Variants in PDE4D observed in about 807,000 individuals in gnomAD.
PDE4D encodes the protein 3',5'-cyclic-AMP phosphodiesterase 4D.
Under a neutral mutation model 87.4 loss-of-function variants are expected in PDE4D, and 24 were observed. The ratio of observed to expected loss-of-function variants is 0.27; its 90% CI spans 0.20 to 0.39. The LOEUF (loss-of-function observed/expected upper bound fraction) is 0.39. Among genes scored for constraint, PDE4D ranks in the 10% least tolerant of loss-of-function variants. PDE4D has a pLI of 1.00. For synonymous variants in PDE4D, 384 were observed against 383.2 expected (o/e 1.00, Z -0.02); for missense variants, 714 against 1,041.0 (o/e 0.69, Z 4.32).
At chr5:59,920,365 C>A (rs1754531196) in intron 3 of PDE4D, among the ~76,000 whole-genome samples, 1 of 152,136 alleles carries the variant, frequency 6.6e-6, no homozygotes, top group South Asian at 2.1e-4. Flanking sequence ...TATTTTTGTT[C>A]TAATATATTA....
intron 1 of PDE4D, among the ~76,000 whole-genome samples, chr5:60,251,048 A>T (rs777696616): frequency 6.6e-6 from 1 of 151,962 alleles, no homozygotes; most frequent in Non-Finnish European, 1.5e-5. Context: ...ATAACTAGAC[A>T]TTTTTTAATA....
At chr5:60,141,142 C>T (rs1780502521) in intron 2 of PDE4D, among the ~76,000 whole-genome samples, 1 of 152,054 alleles carries the variant, frequency 6.6e-6, no homozygotes, top group South Asian at 2.1e-4. Flanking sequence ...ATTTCAAGCT[C>T]CAGTAAAGAG....
At chr5:59,816,734 C>T (rs1384890395) in intron 1 of PDE4D, among the ~76,000 whole-genome samples, 2 of 152,132 alleles carry the variant, frequency 1.3e-5, no homozygotes, top group Non-Finnish European at 2.9e-5. Flanking sequence ...CCTAGGATTT[C>T]CATAAAGCTT....
intron 3 of PDE4D, among the ~76,000 whole-genome samples, chr5:59,985,452 C>T (rs574058377): frequency 2.0e-5 from 3 of 151,926 alleles, no homozygotes; most frequent in Admixed American, 6.6e-5. Flanking sequence ...CGCACTTTAC[C>T]TTCTACTTCT....
intron 2 of PDE4D, among the ~76,000 whole-genome samples, chr5:60,002,244 T>C (rs570502307): frequency 6.6e-6 from 1 of 151,194 alleles, no homozygotes; most frequent in Non-Finnish European, 1.5e-5. Context: ...AACAGACCAA[T>C]AGCAAGTAAG....
At chr5:60,349,971 C>T (rs1334834666) in intron 1 of PDE4D, among the ~76,000 whole-genome samples, 1 of 152,122 alleles carries the variant, frequency 6.6e-6, no homozygotes, top group Non-Finnish European at 1.5e-5. Flanking sequence ...AGATTGCCAA[C>T]CAGTTGGAAT....
At chr5:59,582,211 G>A (rs1824287717) in intron 1 of PDE4D, among the ~76,000 whole-genome samples, 1 of 152,112 alleles carries the variant, frequency 6.6e-6, no homozygotes, top group Non-Finnish European at 1.5e-5. Flanking sequence ...TAACTAAAAG[G>A]AGCAAAGCTC....
chr5:60,103,237 T>C (rs1274501673), intron 2 of PDE4D, among the ~76,000 whole-genome samples: 1 of 152,196 alleles, frequency 6.6e-6, no homozygotes, highest in Non-Finnish European at 1.5e-5. Context: ...GGAGTTATTT[T>C]TCCTGCTTGG....
At chr5:59,279,892 A>C (rs78507503) in intron 1 of PDE4D, among the ~76,000 whole-genome samples, 7,413 of 152,028 alleles carry the variant, frequency 0.049, 206 homozygotes, top group African/African-American at 0.066. Flanking sequence ...AGTTTTTGGA[A>C]GTTTTTAAAA....
chr5:60,374,770 G>A (rs1761304137), intron 1 of PDE4D, among the ~76,000 whole-genome samples: 1 of 152,280 alleles, frequency 6.6e-6, no homozygotes, highest in East Asian at 1.9e-4. Flanking sequence ...TGAAATATCT[G>A]TAATGAGCTA....
At chr5:59,556,355 A>G (rs1236023585) in intron 1 of PDE4D, among the ~76,000 whole-genome samples, 1 of 151,984 alleles carries the variant, frequency 6.6e-6, no homozygotes, top group East Asian at 1.9e-4. Flanking sequence ...GTGCCAGGTG[A>G]CTCTCACTTA....
chr5:59,893,075 G>C (rs1389972391), intron 1 of PDE4D, 93 bp downstream of exon 1: 1 of 1,289,148 alleles, frequency 7.8e-7, no homozygotes, highest in East Asian at 2.8e-5. Flanking sequence ...CCTGGGTCTA[G>C]AATTGGTGGT....
chr5:60,034,593 C>A (rs905768584), intron 2 of PDE4D, among the ~76,000 whole-genome samples: 1 of 152,250 alleles, frequency 6.6e-6, no homozygotes, highest in Middle Eastern at 3.4e-3. Flanking sequence ...CTTAAATTAA[C>A]CACATCTGCA....
Position 59,643,074 on chromosome 5 carries a change from A to G in PDE4D, c.455+250094T>C, listed in dbSNP as rs571335994. On this transcript the variant is annotated intron_variant, in intron 1 of 14. Transcript: ENST00000340635. ...TCATGAAAGAATGGAAAAACTGGAC[A>G]AAATGAATGAAACAACAGTTTTCAG... Among the ~76,000 whole-genome samples, 31 of 152,336 alleles carry G rather than the reference A, an allele frequency of 2.0e-4. 1 individual carries two copies. In the South Asian group the frequency reaches 5.0e-3, roughly 24 times the overall value.
At chr5:59,662,212 C>A (rs1348985257) in intron 1 of PDE4D, among the ~76,000 whole-genome samples, 1 of 152,106 alleles carries the variant, frequency 6.6e-6, no homozygotes, top group Non-Finnish European at 1.5e-5. Flanking sequence ...ATGGTCTAAC[C>A]CATTGAATTG....
chr5:59,016,387 GTTC>G (rs1249941556), intron 6 of PDE4D, among the ~76,000 whole-genome samples: 1 of 89,264 alleles, frequency 1.1e-5, no homozygotes, highest in African/African-American at 4.3e-5. Flanking sequence ...TTATCAGTCT[GTTC>G]TTTTTTTTTT....
chr5:60,389,524 T>G (rs948670396), intron 1 of PDE4D, among the ~76,000 whole-genome samples: 7 of 152,120 alleles, frequency 4.6e-5, no homozygotes, highest in African/African-American at 1.2e-4. Context: ...ACCTTAAAAC[T>G]TAGTAGCTGA....
At chr5:60,081,156 T>G (rs981672579) in intron 2 of PDE4D, among the ~76,000 whole-genome samples, 1 of 151,882 alleles carries the variant, frequency 6.6e-6, no homozygotes, top group African/African-American at 2.4e-5. Flanking sequence ...GATTTTCTAG[T>G]GTATTTGCAT....
chr5:60,421,864 T>C (rs1420009846), intron 1 of PDE4D, among the ~76,000 whole-genome samples: 2 of 152,178 alleles, frequency 1.3e-5, no homozygotes, highest in South Asian at 2.1e-4. Context: ...CTGATGGAGC[T>C]GAAAACCACG....
Sources: allele counts gnomAD v4.1 joint callset (sites outside exome capture counted in the v4.1 genomes callset), GRCh38; gene constraint gnomAD v4.1.1; transcripts MANE v1.5; gene names NCBI Gene and HGNC (gene_info 2026-07-23, HGNC 2026-07-21).